Variants in ALPK3 observed in about 807,000 individuals in gnomAD.
ALPK3 encodes the protein alpha-protein kinase 3.
In ALPK3, 102 loss-of-function variants were observed where a neutral mutation model predicts 140.0. That is an observed-to-expected ratio of 0.73 (90% CI 0.62 to 0.86). ALPK3 has a LOEUF of 0.86. Ranked by LOEUF, ALPK3 falls within the 40% of genes least tolerant of loss-of-function variation. ALPK3 has a pLI of 0.00. For synonymous variants in ALPK3, 938 were observed against 898.5 expected, an observed-to-expected ratio of 1.04 and a Z score of -0.79; for missense variants, 2,254 against 2,208.2, an observed-to-expected ratio of 1.02 and a Z score of -0.42.
intron 5 of ALPK3, among the ~76,000 whole-genome samples, chr15:84,847,351 C>A (rs1963744641): frequency 6.6e-6 from 1 of 151,534 alleles, no homozygotes; most frequent in Non-Finnish European, 1.5e-5. Flanking sequence ...AAGAGAAAGA[C>A]AGTGATGCAG....
chr15:84,840,500 A>G lies in ALPK3; in HGVS notation c.1221A>G (p.Pro407=). The G allele has an allele frequency of 1.2e-6, 2 of 1,612,322 alleles. No homozygotes were observed. The highest frequency in any genetic ancestry group is 8.5e-7 in the Non-Finnish European group (1 of 1,179,524). The change falls in exon 5 of 14, where the codon CCA becomes CCG. Residue 407 remains proline (P), a synonymous_variant. Coordinates refer to ENST00000258888, the MANE Select transcript of ALPK3 (RefSeq NM_020778.5). ...DKAQKAPGPG[P]GQEVYFSLKD... ...CCCAGAAGGCCCCTGGCCCAGGCCC[A>G]GGCCAGGAAGTGTATTTCTCCTTGA...
At position 84,838,992 on chromosome 15, in the gene ALPK3, C is replaced by T; in HGVS notation, c.317C>T (p.Pro106Leu). The change falls in exon 4 of 14, where the codon CCA (proline) becomes CTA (leucine). Residue 106 changes from proline to leucine, a missense_variant. Transcript: ENST00000258888. ...GCTTCTTTCTCAGGATACCCAGAGC[C>T]AGAGGTGACCTGGTACAAGGATGAT... The part of the protein sequence containing the change: ...FTCIVTGYPE[P>L]EVTWYKDDTE... The T allele has an allele frequency of 6.2e-7, 1 of 1,614,086 alleles. No individual in the cohort carries two copies. Among genetic ancestry groups the T allele is most frequent in the Non-Finnish European group, 8.5e-7 (1 of 1,179,984 alleles).
chr15:84,839,934 G>T lies in ALPK3; in HGVS notation c.655G>T (p.Asp219Tyr), dbSNP rs148244525. Reference protein sequence around the residue: ...EVDTLRKLSPDRFQRKRRLSG... With the variant: ...EVDTLRKLSPYRFQRKRRLSG... ...CGACACTCTGCGCAAGCTCAGCCCC[G>T]ACCGCTTCCAGCGAAAGCGGCGATT... The change falls in exon 5 of 14, where the codon GAC becomes TAC. Residue 219 changes from aspartate to tyrosine, a missense_variant. Around this residue, in one of 3 missense-constraint regions of ALPK3, gnomAD observed 2,088 missense variants for 2,022.9 expected, o/e 1.03. Transcript: ENST00000258888. 1 of 1,613,710 alleles carries T rather than the reference G, an allele frequency of 6.2e-7. No individual in the cohort carries two copies. Among genetic ancestry groups the T allele is most frequent in the East Asian group, 2.2e-5 (1 of 44,850 alleles).
At chr15:84,818,876 T>C (rs1333560031) in intron 1 of ALPK3, among the ~76,000 whole-genome samples, 1 of 152,178 alleles carries the variant, frequency 6.6e-6, no homozygotes, top group Admixed American at 6.5e-5. Context: ...CAGAATGAAA[T>C]TTGGACATTT....
At chr15:84,835,997 C>T (rs576157620) in intron 3 of ALPK3, among the ~76,000 whole-genome samples, 21 of 152,346 alleles carry the variant, frequency 1.4e-4, no homozygotes, top group Non-Finnish European at 2.5e-4. Context: ...CAACACACTC[C>T]TAAGTGTATA....
chr15:84,855,525 A>C (rs533508560), intron 5 of ALPK3, among the ~76,000 whole-genome samples: 2 of 152,332 alleles, frequency 1.3e-5, no homozygotes, highest in East Asian at 3.9e-4. Flanking sequence ...AAGGGAAATC[A>C]CTGTTGTACG....
chr15:84,847,821 G>A (rs1963749573), intron 5 of ALPK3, among the ~76,000 whole-genome samples: 1 of 152,210 alleles, frequency 6.6e-6, no homozygotes, highest in Non-Finnish European at 1.5e-5. Flanking sequence ...CACTGTGGGA[G>A]GCTGAGGCAG....
intron 5 of ALPK3, among the ~76,000 whole-genome samples, chr15:84,852,061 C>T (rs534348232): frequency 2.6e-5 from 4 of 152,106 alleles, no homozygotes; most frequent in Non-Finnish European, 5.9e-5. Context: ...TAGTACCAAA[C>T]CCTATATATA....
rs922406049 is a variant in ALPK3 at position 84,863,795 on chromosome 15, T to C, written c.4499+155T>C. Among the ~76,000 whole-genome samples, 6 of 152,266 alleles carry C rather than the reference T, an allele frequency of 3.9e-5. 1 individual carries two copies. Among genetic ancestry groups the C allele is most frequent in the Admixed American group, 6.5e-5 (1 of 15,290 alleles). On this transcript the variant is annotated intron_variant, in intron 11 of 13. Transcript: ENST00000258888. ...TGCTCAGCTCAGTGGCCTCACAAAA[T>C]GTAGAAATAGAGACCTCATTTACTC...
chr15:84,848,600 G>C (rs1963763024), intron 5 of ALPK3, among the ~76,000 whole-genome samples: 1 of 152,144 alleles, frequency 6.6e-6, no homozygotes, highest in Non-Finnish European at 1.5e-5. Flanking sequence ...AAATTATTGA[G>C]TAAAATCTAA....
At chr15:84,848,730 A>G (rs1963763898) in intron 5 of ALPK3, among the ~76,000 whole-genome samples, 1 of 152,226 alleles carries the variant, frequency 6.6e-6, no homozygotes, top group Non-Finnish European at 1.5e-5. Context: ...TCCATTTCAA[A>G]TATAGTGATA....
Position 84,858,020 on chromosome 15 carries a change from G to A in ALPK3, c.3282G>A (p.Glu1094=). ...AAGGAGCCAGTGAGGGTGAAGGAGAGGTTTCCCCTGAGGGGCCTGGCCTCC... is the reference window on the plus strand; with the variant it reads ...AAGGAGCCAGTGAGGGTGAAGGAGAAGTTTCCCCTGAGGGGCCTGGCCTCC... ...ASEGASEGEG[E]VSPEGPGLLG... Residue 1094 remains glutamate (E), a synonymous_variant, in exon 6 of 14, where the codon GAG becomes GAA. Transcript: ENST00000258888. 1 of 1,585,350 alleles carries A rather than the reference G, an allele frequency of 6.3e-7. No homozygotes were observed. The highest frequency in any genetic ancestry group is 2.2e-5 in the East Asian group (1 of 44,482).
chr15:84,860,201 G>T, intron 9 of ALPK3, 129 bp downstream of exon 9: 1 of 1,192,208 alleles, frequency 8.4e-7, no homozygotes, highest in Non-Finnish European at 1.2e-6. Context: ...TTTAGGATAT[G>T]GCTTGGGAGA....
intron 9 of ALPK3, among the ~76,000 whole-genome samples, chr15:84,862,399 T>A (rs1195023774): frequency 6.6e-6 from 1 of 151,996 alleles, no homozygotes; most frequent in Non-Finnish European, 1.5e-5. Flanking sequence ...AGGGGTTATG[T>A]GATGGATACC....
rs755716847 is a variant in ALPK3 at position 84,839,909 on chromosome 15, C to G, written c.630C>G (p.Val210=). ...ACGAGAAGGCGGTGCCTGGGGAGGT[C>G]GACACTCTGCGCAAGCTCAGCCCCG... The part of the protein sequence containing the change: ...WKHEKAVPGE[V]DTLRKLSPDR... Residue 210 remains valine (V), a synonymous_variant, in exon 5 of 14, where the codon GTC becomes GTG. Transcript: ENST00000258888. 2 of 1,613,830 alleles carry G rather than the reference C, an allele frequency of 1.2e-6. No individual in the cohort carries two copies. Among genetic ancestry groups the G allele is most frequent in the East Asian group, 4.5e-5 (2 of 44,860 alleles).
At chr15:84,856,156 A>T (rs1256685373) in intron 5 of ALPK3, among the ~76,000 whole-genome samples, 4 of 152,162 alleles carry the variant, frequency 2.6e-5, no homozygotes, top group Non-Finnish European at 5.9e-5. Flanking sequence ...TCTGGGTGCT[A>T]GATATTCCCC....
chr15:84,852,954 G>A (rs1237396823), intron 5 of ALPK3, among the ~76,000 whole-genome samples: 1 of 152,206 alleles, frequency 6.6e-6, no homozygotes, highest in Non-Finnish European at 1.5e-5. Flanking sequence ...AGACAGAATT[G>A]TTGGCAGATC....
chr15:84,850,267 C>G (rs1157600116), intron 5 of ALPK3, among the ~76,000 whole-genome samples: 1 of 152,164 alleles, frequency 6.6e-6, no homozygotes, highest in Admixed American at 6.6e-5. Context: ...AGGGCCATGC[C>G]CCCTTAGAGG....
rs1190953269 is a variant in ALPK3, at chr15:84,872,252, A to G, written c.*3796A>G. On this transcript the variant is annotated 3_prime_UTR_variant, in exon 14 of 14. Transcript: ENST00000258888. ...CAGAAGGGCATTTTGTACAAGGATA[A>G]TGGTTACTTTTTGGCCAGAGCATCA... is the stretch of plus-strand genomic sequence containing the variant. 6.6e-6 allele frequency: 1 copy of G among 152,234 alleles called. No homozygotes were observed. The highest frequency in any genetic ancestry group is 1.5e-5 in the Non-Finnish European group (1 of 68,056). 9.4% of individuals were successfully genotyped at this position (152,234 alleles called of 1,614,324 possible).
Sources: gnomAD v4.1 joint callset for allele counts (sites outside exome capture counted in the v4.1 genomes callset) on GRCh38, gnomAD v4.1.1 for gene constraint, gnomAD v4.1.1 regional missense constraint, MANE v1.5 for transcripts, NCBI Gene and HGNC (gene_info 2026-07-23, HGNC 2026-07-21) for gene names.